NMRK1: variants seen among roughly 807,000 people sequenced by gnomAD.
NMRK1 encodes NRK 1.
NMRK1 carries 28 observed loss-of-function variants against 29.9 expected under a neutral mutation model. The ratio of observed to expected loss-of-function variants is 0.94; its 90% CI spans 0.69 to 1.28. The LOEUF (loss-of-function observed/expected upper bound fraction) is 1.28, where lower values mean the gene tolerates loss of function less well. Among genes scored for constraint, NMRK1 ranks in the 50% most tolerant of loss-of-function variants. The pLI is 0.00. For synonymous variants in NMRK1, 58 were observed against 73.0 expected (o/e 0.79, Z 1.05); for missense variants, 218 against 233.1 (o/e 0.94, Z 0.42).
At chr9:75,066,170 G>A in intron 8 of NMRK1, 1 of 446,040 alleles carries the variant, frequency 2.2e-6, no homozygotes, top group Non-Finnish European at 4.4e-6. Flanking sequence ...TTCCAACAAT[G>A]GAACACTAGG....
In NMRK1 at chr9:75,076,845, G is replaced by T. The variant is rs951314498; in HGVS notation, c.169+314C>A. ...TGAGCTTAAGTGATCTGCCTGCCTC[G>T]GCCTTCCAAAAGTGCTGGCATTACA... is the stretch of plus-strand genomic sequence containing the variant. On this transcript the variant is annotated intron_variant, in intron 4 of 8. Coordinates refer to ENST00000361092, the MANE Select transcript of NMRK1 (RefSeq NM_017881.3). Among the ~76,000 whole-genome samples, 5 of 152,088 alleles carry T rather than the reference G, an allele frequency of 3.3e-5. No individual in the cohort carries two copies. The East Asian group carries it at 9.6e-4, about 29-fold the overall frequency.
intron 4 of NMRK1, among the ~76,000 whole-genome samples, chr9:75,076,026 A>G (rs1823971566): frequency 6.6e-6 from 1 of 152,248 alleles, no homozygotes; most frequent in Non-Finnish European, 1.5e-5. Flanking sequence ...AGATTCCTCA[A>G]AAAATTAAAA....
intron 7 of NMRK1, among the ~76,000 whole-genome samples, chr9:75,068,455 T>G (rs901991418): frequency 6.6e-6 from 1 of 152,212 alleles, no homozygotes; most frequent in Non-Finnish European, 1.5e-5. Flanking sequence ...TTTCAGGGGT[T>G]TCTCATTCCT....
At chr9:75,066,169 T>C (rs1823328041) in intron 8 of NMRK1, 2 of 444,508 alleles carry the variant, frequency 4.5e-6, no homozygotes, top group Admixed American at 5.5e-5. Flanking sequence ...GTTCCAACAA[T>C]GGAACACTAG....
Position 75,069,966 on chromosome 9 carries a change from T to C in NMRK1, c.246A>G (p.Val82=). 6.2e-7 allele frequency: 1 copy of C among 1,613,932 alleles called. No homozygotes were observed. Among genetic ancestry groups the C allele is most frequent in the Non-Finnish European group, 8.5e-7 (1 of 1,179,806 alleles). The change falls in exon 5 of 9, where the codon GTA becomes GTG. Residue 82 remains valine (V), a synonymous_variant. Coordinates refer to ENST00000361092, the MANE Select transcript of NMRK1 (RefSeq NM_017881.3). ...CWMESARHSV[V]STDQESAEEI... Reference sequence around the variant, plus strand: ...CCTCAGCACTTTCCTGGTCTGTTGATACCACAGAGTGTCTTGCGCTTTCCA... The same window carrying C: ...CCTCAGCACTTTCCTGGTCTGTTGACACCACAGAGTGTCTTGCGCTTTCCA...
In NMRK1 at chr9:75,076,625, C is replaced by T. The variant is rs1222325744; in HGVS notation, c.169+534G>A. ...TATATTTTTGAGACAGGGTCTCACT[C>T]TGTCACCCAGGGTGGAGTACAGTGG... On this transcript the variant is annotated intron_variant, in intron 4 of 8. Transcript: ENST00000361092. Among the ~76,000 whole-genome samples the T allele has an allele frequency of 2.6e-5, 4 of 152,158 alleles. No homozygotes were observed. In the East Asian group the frequency reaches 7.7e-4, roughly 29 times the overall value.
At chr9:75,086,190 C>G (rs1824619174) in intron 1 of NMRK1, among the ~76,000 whole-genome samples, 10 of 151,656 alleles carry the variant, frequency 6.6e-5, no homozygotes, top group Admixed American at 6.6e-4. Flanking sequence ...AGGCAAAAAA[C>G]AACCCAAAAA....
intron 1 of NMRK1, among the ~76,000 whole-genome samples, chr9:75,086,061 T>C (rs761277034): frequency 2.0e-5 from 3 of 151,834 alleles, no homozygotes; most frequent in Non-Finnish European, 4.4e-5. Context: ...TTCTACTATT[T>C]CATTGCCTGT....
intron 7 of NMRK1, 129 bp downstream of exon 7, chr9:75,068,867 G>A: frequency 5.0e-6 from 3 of 601,446 alleles, no homozygotes; most frequent in South Asian, 4.8e-5. Flanking sequence ...AACCAGCTAT[G>A]GAAAAGGAGA....
In NMRK1 at chr9:75,063,351, T is replaced by C. The variant is rs1386823184; in HGVS notation, c.581-1784A>G. On this transcript the variant is annotated intron_variant, in intron 8 of 8. Transcript: ENST00000361092. ...AAAAAAAGACTCCATATGAGAAAAATAAAAAATAAAAATAAATAAAACAAA... is the reference window on the plus strand; with the variant it reads ...AAAAAAAGACTCCATATGAGAAAAACAAAAAATAAAAATAAATAAAACAAA... Among the ~76,000 whole-genome samples the C allele has an allele frequency of 2.2e-5, 3 of 139,418 alleles. 1 individual carries two copies. The highest frequency in any genetic ancestry group is 2.1e-4 in the Admixed American group (3 of 14,114). The allele number at this position is 139,418 out of a possible 152,430, so 91.5% of individuals were successfully genotyped here.
chr9:75,066,850 G>C lies in NMRK1; in HGVS notation c.497-10C>G. 1.3e-6 allele frequency: 2 copies of C among 1,504,718 alleles called. No individual in the cohort carries two copies. Among genetic ancestry groups the C allele is most frequent in the Non-Finnish European group, 1.8e-6 (2 of 1,087,576 alleles). 93.2% of individuals were successfully genotyped at this position (1,504,718 alleles called of 1,614,324 possible). A position where few individuals can be genotyped will look rare whatever the true frequency, so the allele number is the denominator to read the frequency against. On this transcript the variant is annotated splice_polypyrimidine_tract_variant and intron_variant, in intron 7 of 8. Coordinates refer to ENST00000361092, the MANE Select transcript of NMRK1 (RefSeq NM_017881.3). ...GTTCCATCCAGGTACACTACGAAGG[G>C]GAAAAGAGAGCAGTTCAAATGCTAA...
At chr9:75,077,336 G>T in intron 3 of NMRK1, 129 bp from the exon 4 acceptor site, 2 of 831,990 alleles carry the variant, frequency 2.4e-6, no homozygotes, top group East Asian at 2.4e-5. Context: ...CTGATAGACA[G>T]TGCCATCTAG....
Position 75,069,010 on chromosome 9 carries a change from A to G in NMRK1, c.482T>C (p.Ile161Thr). Reference sequence around the variant, plus strand: ...AAGGCACTTACCAACTTCCCATGTGATGTCCTGCATTTCTTGTCTGTACTT... The same window carrying G: ...AAGGCACTTACCAACTTCCCATGTGGTGTCCTGCATTTCTTGTCTGTACTT... ...YLKYRQEMQD[I>T]TWEVVYLDGT... The change falls in exon 7 of 9, where the codon ATC (isoleucine) becomes ACC (threonine). Residue 161 changes from isoleucine (I) to threonine (T), a missense_variant. By Grantham distance (89) the Ile-to-Thr change is moderately conservative. Coordinates refer to ENST00000361092, the MANE Select transcript of NMRK1 (RefSeq NM_017881.3). 6.2e-7 allele frequency: 1 copy of G among 1,613,028 alleles called. No individual in the cohort carries two copies. The highest frequency in any genetic ancestry group is 8.5e-7 in the Non-Finnish European group (1 of 1,178,990).
chr9:75,071,790 T>C (rs1477683749), intron 4 of NMRK1, among the ~76,000 whole-genome samples: 1 of 152,156 alleles, frequency 6.6e-6, no homozygotes, highest in Non-Finnish European at 1.5e-5. Context: ...TAGTTGTGGG[T>C]AGAAGTTCAG....
intron 8 of NMRK1, among the ~76,000 whole-genome samples, chr9:75,061,990 A>G (rs1823048979): frequency 6.6e-6 from 1 of 152,230 alleles, no homozygotes; most frequent in Non-Finnish European, 1.5e-5. Flanking sequence ...ATAGAAATTC[A>G]ATGATAAACC....
intron 1 of NMRK1, 38 bp from the exon 2 acceptor site, chr9:75,083,188 T>C (rs1824419220): frequency 2.9e-6 from 3 of 1,022,748 alleles, no homozygotes. Flanking sequence ...TCAAATGCAT[T>C]TCATTTAGAT....
intron 1 of NMRK1, among the ~76,000 whole-genome samples, chr9:75,087,060 C>G (rs928146459): frequency 1.3e-5 from 2 of 152,070 alleles, no homozygotes; most frequent in Non-Finnish European, 2.9e-5. Flanking sequence ...CGTCTGCCAC[C>G]ACGCCCGGCT....
chr9:75,061,792 CT>C (rs1256132575), intron 8 of NMRK1, among the ~76,000 whole-genome samples: 1 of 152,146 alleles, frequency 6.6e-6, no homozygotes, highest in Admixed American at 6.5e-5. Flanking sequence ...TCCAATATCA[CT>C]TGTAGTTCGT....
At chr9:75,083,718 C>T (rs1824454222) in intron 1 of NMRK1, among the ~76,000 whole-genome samples, 1 of 152,164 alleles carries the variant, frequency 6.6e-6, no homozygotes, top group African/African-American at 2.4e-5. Context: ...CACCCAAAAG[C>T]CTAGGTCTTG....
Sources: gnomAD v4.1 joint callset for allele counts (sites outside exome capture counted in the v4.1 genomes callset) on GRCh38, gnomAD v4.1.1 for gene constraint, MANE v1.5 for transcripts, NCBI Gene and HGNC (gene_info 2026-07-23, HGNC 2026-07-21) for gene names.